The following UNG variants were observed in gnomAD, a reference collection of about 807,000 sequenced individuals.
The protein encoded by UNG is uracil-DNA glycosylase.
In UNG, 34 loss-of-function variants were observed where a neutral mutation model predicts 36.5. The ratio of observed to expected loss-of-function variants is 0.93; its 90% confidence interval spans 0.71 to 1.24. UNG has a LOEUF of 1.24. UNG is among the 50% of genes most tolerant of loss of function. UNG has a pLI of 0.00. For synonymous variants in UNG, 172 were observed against 157.8 expected (o/e 1.09, Z -0.67); for missense variants, 391 against 397.6 (o/e 0.98, Z 0.14).
chr12:109,110,325 G>T lies in UNG; in HGVS notation c.*356G>T, dbSNP rs2042251657. ...CTAGTTTGGCGCCTGCTGCTCCTTGGTTTTGCCTGGTTAGACTTTCAGTGA... is the reference window on the plus strand; with the variant it reads ...CTAGTTTGGCGCCTGCTGCTCCTTGTTTTTGCCTGGTTAGACTTTCAGTGA... On this transcript the variant is annotated 3_prime_UTR_variant, in exon 7 of 7. Coordinates refer to ENST00000242576, the MANE Select transcript of UNG (RefSeq NM_080911.3). 3.3e-6 allele frequency: 1 copy of T among 298,860 alleles called. No homozygotes were observed. Among genetic ancestry groups the T allele is most frequent in the African/African-American group, 2.1e-5 (1 of 46,700 alleles). 18.5% of individuals were successfully genotyped at this position (298,860 alleles called of 1,614,324 possible).
At chr12:109,107,518 CTTTTT>C (rs34833015) in intron 6 of UNG, among the ~76,000 whole-genome samples, 14 of 89,434 alleles carry the variant, frequency 1.6e-4, no homozygotes, top group Admixed American at 5.0e-4. Flanking sequence ...GACTATTCCT[CTTTTT>C]TTTTTTTTTT....
chr12:109,097,622 C>A lies in UNG; in HGVS notation c.-58C>A. 6.3e-7 allele frequency: 1 copy of A among 1,579,036 alleles called. No homozygotes were observed. Among genetic ancestry groups the A allele is most frequent in the Non-Finnish European group, 8.6e-7 (1 of 1,162,426 alleles). On this transcript the variant is annotated 5_prime_UTR_variant, in exon 1 of 7. Transcript: ENST00000242576. The stretch of plus-strand genomic sequence containing the variant: ...AATTGCTGACCGCCACAGCCACAGC[C>A]AGGGCTAGCCTCGCCGGTTCCCGGG...
rs56185014 is a variant in UNG, at chr12:109,110,834, GATATAT to G, written c.*876_*881del. The G allele has an allele frequency of 1.3e-5, 2 of 150,188 alleles. No individual in the cohort carries two copies. Among genetic ancestry groups the G allele is most frequent in the African/African-American group, 2.4e-5 (1 of 40,920 alleles). 9.3% of individuals were successfully genotyped at this position (150,188 alleles called of 1,614,324 possible). A position where few individuals can be genotyped will look rare whatever the true frequency, so the allele number is the denominator to read the frequency against. On this transcript the variant is annotated 3_prime_UTR_variant, in exon 7 of 7. Transcript: ENST00000242576. ...TAGTTTTTTAAGAAGTACTCATGCA[GATATAT>G]ATATATATATTTTTCCCAGTCCTTT... is the stretch of plus-strand genomic sequence containing the variant.
rs1477560169 is a variant in UNG, at chr12:109,110,294, A to G, written c.*325A>G. ...CAGGGGAGATGTGCACCTTTCAGGC[A>G]CAGCCCTAGTTTGGCGCCTGCTGCT... On this transcript the variant is annotated 3_prime_UTR_variant, in exon 7 of 7. Transcript: ENST00000242576. 2 of 354,834 alleles carry G rather than the reference A, an allele frequency of 5.6e-6. No homozygotes were observed. The highest frequency in any genetic ancestry group is 1.1e-5 in the Non-Finnish European group (2 of 186,312). 22.0% of individuals were successfully genotyped at this position (354,834 alleles called of 1,614,324 possible).
intron 6 of UNG, among the ~76,000 whole-genome samples, chr12:109,106,915 A>ATATATATATATATATG (rs2042220910): frequency 6.9e-5 from 3 of 43,304 alleles, no homozygotes; most frequent in African/African-American, 3.7e-4. Flanking sequence ...GTATATATAT[A>ATATATATATATATATG]TGTGTATATA....
Position 109,103,579 on chromosome 12 carries a change from T to C in UNG, c.769T>C (p.Tyr257His), listed in dbSNP as rs769188214. 2.5e-6 allele frequency: 4 copies of C among 1,613,974 alleles called. No homozygotes were observed. The East Asian group carries it at 8.9e-5, about 36-fold the overall frequency. Residue 257 changes from tyrosine to histidine, a missense_variant, in exon 6 of 7, where the codon TAT (tyrosine) becomes CAT (histidine). Transcript: ENST00000242576. ...NGLVFLLWGS[Y>H]AQKKGSAIDR... is the part of the protein sequence containing the mutation. Reference sequence around the variant, plus strand: ...CCTTGTTTTCTTGCTCTGGGGCTCTTATGCTCAGAAGAAGGGCAGTGCCAT... The same window carrying C: ...CCTTGTTTTCTTGCTCTGGGGCTCTCATGCTCAGAAGAAGGGCAGTGCCAT...
At chr12:109,100,116 C>T (rs1450935904) in intron 3 of UNG, among the ~76,000 whole-genome samples, 1 of 152,064 alleles carries the variant, frequency 6.6e-6, no homozygotes, top group East Asian at 1.9e-4. Context: ...GCAGAGCAAC[C>T]CTCTTTAAAT....
chr12:109,098,705 T>C (rs2042154032), intron 2 of UNG, 67 bp downstream of exon 2: 11 of 1,604,320 alleles, frequency 6.9e-6, no homozygotes, highest in South Asian at 1.1e-5. Flanking sequence ...GTCTTGTTAG[T>C]GTAGCCGGCC....
Position 109,099,591 on chromosome 12 carries a change from CA to C in UNG, c.435+310del, listed in dbSNP as rs529576193. Among the ~76,000 whole-genome samples, 12 of 150,870 alleles carry C rather than the reference CA, an allele frequency of 8.0e-5. 1 individual carries two copies. In the East Asian group the frequency reaches 2.3e-3, roughly 29 times the overall value. On this transcript the variant is annotated intron_variant, in intron 3 of 6. Coordinates refer to ENST00000242576, the MANE Select transcript of UNG (RefSeq NM_080911.3). ...TGGTGGTGAAGTTCAAACTGACACACAAAGCAGTTAAATCTTTTGCAGCTTG... is the reference window on the plus strand; with the variant it reads ...TGGTGGTGAAGTTCAAACTGACACACAAGCAGTTAAATCTTTTGCAGCTTG...
At chr12:109,109,255 A>G (rs246079) in intron 6 of UNG, among the ~76,000 whole-genome samples, 82,771 of 151,910 alleles carry the variant, frequency 0.54, 23,744 homozygotes, top group East Asian at 0.72. Context: ...AATTGCTGGC[A>G]GTATGATAGG....
At chr12:109,098,109 T>C in intron 1 of UNG, 1 of 1,379,882 alleles carries the variant, frequency 7.2e-7, no homozygotes. Flanking sequence ...AGGGAGGTTT[T>C]TTGCCGCGAA....
intron 6 of UNG, among the ~76,000 whole-genome samples, chr12:109,104,055 G>GTTTTTTGTGTTTT (rs1555265047): frequency 2.7e-5 from 4 of 148,140 alleles, no homozygotes; most frequent in South Asian, 2.1e-4. Context: ...TTGTTTCTGG[G>GTTTTTTGTGTTTT]TTTTTTGTTT....
chr12:109,107,333 A>C lies in UNG; in HGVS notation c.802-2496A>C, dbSNP rs938496393. Among the ~76,000 whole-genome samples the C allele has an allele frequency of 8.6e-5, 13 of 151,622 alleles. 1 individual carries two copies. The highest frequency in any genetic ancestry group is 3.1e-4 in the African/African-American group (13 of 41,270). On this transcript the variant is annotated intron_variant, in intron 6 of 6. Transcript: ENST00000242576. The stretch of plus-strand genomic sequence containing the variant: ...CTCCCACCTTAGTCACCTGAGTAGC[A>C]GGGACCACAGGCGTGCGCCACCACA...
chr12:109,106,977 A>G (rs1364892685), intron 6 of UNG, among the ~76,000 whole-genome samples: 1 of 125,344 alleles, frequency 8.0e-6, no homozygotes, highest in Non-Finnish European at 1.8e-5. Context: ...TAGATACACA[A>G]ATGCCTACCA....
At chr12:109,102,815 G>C (rs200073522) in intron 4 of UNG, 24 bp from the exon 5 acceptor site, 1 of 1,547,752 alleles carries the variant, frequency 6.5e-7, no homozygotes, top group Non-Finnish European at 8.9e-7. Flanking sequence ...TCTGTTTTTT[G>C]TTTTTCTTGT....
intron 6 of UNG, among the ~76,000 whole-genome samples, chr12:109,108,449 A>C (rs1445179266): frequency 6.6e-6 from 1 of 152,094 alleles, no homozygotes; most frequent in African/African-American, 2.4e-5. Context: ...CCTGGGCAAC[A>C]TAGTGAGACC....
At chr12:109,100,858 A>C (rs2042170435) in intron 3 of UNG, among the ~76,000 whole-genome samples, 1 of 152,204 alleles carries the variant, frequency 6.6e-6, no homozygotes, top group Non-Finnish European at 1.5e-5. Context: ...TCAGCTGTGG[A>C]GGAAGATTCT....
intron 2 of UNG, among the ~76,000 whole-genome samples, 165 bp from the exon 3 acceptor site, chr12:109,099,024 G>T (rs1015609954): frequency 1.3e-5 from 2 of 151,840 alleles, no homozygotes; most frequent in African/African-American, 4.8e-5. Context: ...CCACTTAGGT[G>T]GGGGGGCAGG....
At chr12:109,106,933 AT>A (rs59732811) in intron 6 of UNG, among the ~76,000 whole-genome samples, 1,014 of 39,112 alleles carry the variant, frequency 0.026, 84 homozygotes, top group East Asian at 0.087. Context: ...ATATATATAT[AT>A]AAAAAATATT....
Sources: allele counts gnomAD v4.1 joint callset (sites outside exome capture counted in the v4.1 genomes callset), GRCh38; gene constraint gnomAD v4.1.1; transcripts MANE v1.5; gene names NCBI Gene and HGNC (gene_info 2026-07-23, HGNC 2026-07-21).